MRPS5: variants seen among roughly 807,000 people sequenced by gnomAD.
MRPS5 encodes mitochondrial ribosomal protein S5, also known as small ribosomal subunit protein uS5m.
MRPS5 carries 27 observed loss-of-function variants against 51.9 expected under a neutral mutation model. The ratio of observed to expected loss-of-function variants is 0.52; its 90% CI spans 0.38 to 0.72. The LOEUF (loss-of-function observed/expected upper bound fraction) is 0.72. Ranked by LOEUF, MRPS5 falls within the 30% of genes least tolerant of loss-of-function variation. The pLI is 0.00. For missense variants in MRPS5, 570 were observed against 545.7 expected, an observed-to-expected ratio of 1.04 and a Z score of -0.44; for synonymous variants, 196 against 193.2, an observed-to-expected ratio of 1.01 and a Z score of -0.12.
At chr2:95,105,849 T>C (rs1416496872) in intron 6 of MRPS5, among the ~76,000 whole-genome samples, 1 of 152,218 alleles carries the variant, frequency 6.6e-6, no homozygotes, top group Non-Finnish European at 1.5e-5. Context: ...ACAAACTCAA[T>C]AAATGGTTAT....
Position 95,087,321 on chromosome 2 carries a change from G to A in MRPS5, c.*36C>T, listed in dbSNP as rs1468929752. ...GGGGCTGAGTCTCTCCTAGGTGCAGGGCAGCACAGGAACTGGCTGCACAAG... is the reference window on the plus strand; with the variant it reads ...GGGGCTGAGTCTCTCCTAGGTGCAGAGCAGCACAGGAACTGGCTGCACAAG... On this transcript the variant is annotated 3_prime_UTR_variant, in exon 12 of 12. Transcript: ENST00000272418. The A allele has an allele frequency of 6.5e-7, 1 of 1,539,576 alleles. No homozygotes were observed. The highest frequency in any genetic ancestry group is 1.7e-5 in the Admixed American group (1 of 59,732).
chr2:95,095,768 C>T (rs564609151), intron 10 of MRPS5, among the ~76,000 whole-genome samples: 10 of 151,950 alleles, frequency 6.6e-5, no homozygotes, highest in East Asian at 1.9e-4. Flanking sequence ...GATCTAAAAT[C>T]GACACCCTAA....
At chr2:95,109,828 T>C in intron 4 of MRPS5, 88 bp downstream of exon 4, 1 of 1,449,530 alleles carries the variant, frequency 6.9e-7, no homozygotes, top group Non-Finnish European at 9.3e-7. Context: ...ATAAGAAATG[T>C]TTTGATGCTT....
chr2:95,111,197 C>T (rs1476810188), intron 3 of MRPS5, among the ~76,000 whole-genome samples: 1 of 152,168 alleles, frequency 6.6e-6, no homozygotes, highest in Non-Finnish European at 1.5e-5. Context: ...ACAAAGGATT[C>T]GGCTCAACTT....
chr2:95,095,192 T>G (rs999066671), intron 10 of MRPS5, among the ~76,000 whole-genome samples: 2 of 152,226 alleles, frequency 1.3e-5, no homozygotes, highest in African/African-American at 4.8e-5. Flanking sequence ...TAAATATATA[T>G]GCATCCAATA....
chr2:95,118,869 T>C (rs933668142), intron 1 of MRPS5, among the ~76,000 whole-genome samples: 7 of 152,132 alleles, frequency 4.6e-5, no homozygotes, highest in East Asian at 1.9e-4. Flanking sequence ...CAAAGACTTA[T>C]AGGTAAGAGC....
In MRPS5 at chr2:95,106,453, T is replaced by C. The variant is rs747347250; in HGVS notation, c.642A>G (p.Thr214=). 11 of 1,591,978 alleles carry C rather than the reference T, an allele frequency of 6.9e-6. No homozygotes were observed. The Admixed American group carries it at 1.0e-4, about 15-fold the overall frequency. ...GPPDPGPCGE[T]YEDFDTRILE... ...GTATCCTGGTATCAAAATCCTCATA[T>C]GTTTCTGTAGGGAGAAAAGAAACAG... is the stretch of plus-strand genomic sequence containing the variant. The change falls in exon 6 of 12, where the codon ACA becomes ACG. Residue 214 remains threonine (T), a synonymous_variant. Coordinates refer to ENST00000272418, the MANE Select transcript of MRPS5 (RefSeq NM_031902.5).
Position 95,087,459 on chromosome 2 carries a change from T to C in MRPS5, c.1191A>G (p.Pro397=), listed in dbSNP as rs376665122. 1.6e-5 allele frequency: 26 copies of C among 1,614,080 alleles called. No homozygotes were observed. Among genetic ancestry groups the C allele is most frequent in the Non-Finnish European group, 1.9e-5 (23 of 1,180,036 alleles). The change falls in exon 12 of 12, where the codon CCA becomes CCG. Residue 397 remains proline (P), a synonymous_variant. Coordinates refer to ENST00000272418, the MANE Select transcript of MRPS5 (RefSeq NM_031902.5). ...GTTTGACGTCTGGAACCTCATCTTC[T>C]GGCTCTGGATCCTTCCTCAAGGGCC... is the stretch of plus-strand genomic sequence containing the variant. ...PRGPLRKDPE[P]EDEVPDVKLD...
intron 3 of MRPS5, among the ~76,000 whole-genome samples, chr2:95,114,105 C>G (rs1211780893): frequency 9.0e-6 from 1 of 110,880 alleles, no homozygotes; most frequent in Non-Finnish European, 1.7e-5. Context: ...GGTGACAAAG[C>G]GAGACTCCAT....
chr2:95,117,991 AG>A (rs1367578829), intron 1 of MRPS5, 46 bp from the exon 2 acceptor site: 1 of 1,445,162 alleles, frequency 6.9e-7, no homozygotes. Context: ...TCTACATTAA[AG>A]GAACATTTTA....
At chr2:95,090,148 G>A (rs1279305432) in intron 11 of MRPS5, among the ~76,000 whole-genome samples, 1 of 135,936 alleles carries the variant, frequency 7.4e-6, no homozygotes, top group Non-Finnish European at 1.5e-5. Context: ...CTGCACTCCA[G>A]CCTGGGTGAC....
chr2:95,104,534 G>A (rs1675893340), intron 7 of MRPS5, 106 bp downstream of exon 7: 1 of 1,221,032 alleles, frequency 8.2e-7, no homozygotes, highest in South Asian at 1.2e-5. Flanking sequence ...TTAATCAATG[G>A]AAAAAGTCCG....
chr2:95,088,758 C>G (rs373931107), intron 11 of MRPS5, among the ~76,000 whole-genome samples: 2 of 152,226 alleles, frequency 1.3e-5, no homozygotes, highest in East Asian at 3.9e-4. Context: ...TAAAAGAAAA[C>G]AAAGATATCA....
At chr2:95,103,938 C>T (rs1318931441) in intron 7 of MRPS5, 1 of 152,062 alleles carries the variant, frequency 6.6e-6, no homozygotes, top group Non-Finnish European at 1.5e-5. Context: ...TTTCCTTTGG[C>T]CACATACTAT....
intron 11 of MRPS5, among the ~76,000 whole-genome samples, chr2:95,089,821 T>C (rs777486451): frequency 6.6e-6 from 1 of 152,190 alleles, no homozygotes; most frequent in Non-Finnish European, 1.5e-5. Flanking sequence ...CATAATAACA[T>C]GTAGATTGTA....
intron 11 of MRPS5, among the ~76,000 whole-genome samples, chr2:95,088,187 T>C (rs1675353884): frequency 6.6e-6 from 1 of 152,178 alleles, no homozygotes; most frequent in African/African-American, 2.4e-5. Flanking sequence ...TGAACATTGA[T>C]TGGATATTTG....
At chr2:95,096,423 G>A (rs1056362565) in intron 10 of MRPS5, among the ~76,000 whole-genome samples, 17 of 152,052 alleles carry the variant, frequency 1.1e-4, no homozygotes, top group Non-Finnish European at 2.2e-4. Flanking sequence ...GATGAATATC[G>A]ATGCAAAAAT....
chr2:95,097,761 GCAATAC>G (rs1232530435), intron 10 of MRPS5, among the ~76,000 whole-genome samples: 2 of 152,106 alleles, frequency 1.3e-5, no homozygotes, highest in African/African-American at 2.4e-5. Context: ...GAAAACCAAG[GCAATAC>G]CATTCAGGTC....
rs974898660 is a variant in MRPS5, at chr2:95,096,698, A to G, written c.931+3776T>C. Among the ~76,000 whole-genome samples the G allele has an allele frequency of 8.5e-4, 130 of 152,326 alleles. 1 individual carries two copies. Among genetic ancestry groups the G allele is most frequent in the East Asian group, 1.3e-3 (7 of 5,192 alleles). ...TTGATGGAACGCATCTCAAAATAAT[A>G]AGAGCTATTTATGACAAACCCACAG... On this transcript the variant is annotated intron_variant, in intron 10 of 11. Coordinates refer to ENST00000272418, the MANE Select transcript of MRPS5 (RefSeq NM_031902.5).
Sources: allele counts gnomAD v4.1 joint callset (sites outside exome capture counted in the v4.1 genomes callset), GRCh38; gene constraint gnomAD v4.1.1; transcripts MANE v1.5; gene names NCBI Gene and HGNC (gene_info 2026-07-23, HGNC 2026-07-21).